The following SLC38A5 variants were observed in gnomAD, a reference collection of about 807,000 sequenced individuals.
The protein encoded by SLC38A5 is sodium-coupled neutral amino acid transporter 5.
SLC38A5 carries 9 observed loss-of-function variants against 34.6 expected under a neutral mutation model. That is an observed-to-expected ratio of 0.26 (90% CI 0.16 to 0.45). SLC38A5 has a LOEUF of 0.45. Ranked by LOEUF, SLC38A5 falls within the 20% of genes least tolerant of loss-of-function variation. The pLI, the probability that SLC38A5 is intolerant of heterozygous loss-of-function variation, is 1.00. For missense variants in SLC38A5, 253 were observed against 394.7 expected (o/e 0.64, Z 3.04); for synonymous variants, 157 against 155.6 (o/e 1.01, Z -0.07).
At chrX:48,465,924 T>C in intron 8 of SLC38A5, 91 bp downstream of exon 8, 1 of 789,738 alleles carries the variant, frequency 1.3e-6, no homozygotes, top group Non-Finnish European at 1.8e-6. Context: ...CATCTGGAAG[T>C]CAGCTGCACA....
At chrX:48,459,228 T>C (rs2061418721) in intron 16 of SLC38A5, 194 bp from the exon 17 acceptor site, 2 of 468,926 alleles carry the variant, frequency 4.3e-6, no homozygotes, top group Non-Finnish European at 7.2e-6. Flanking sequence ...CATGACAGAA[T>C]ACGTTCCTCC....
chrX:48,465,364 AAT>A (rs1156789393), intron 8 of SLC38A5, among the ~76,000 whole-genome samples: 1 of 111,592 alleles, frequency 9.0e-6, no homozygotes, highest in Non-Finnish European at 1.9e-5. Context: ...ACAGCCACCA[AAT>A]CAAACACAGA....
At position 48,467,845 on chromosome X, in the gene SLC38A5, G is replaced by A. The variant is rs782517665; in HGVS notation, c.53+27C>T. On this transcript the variant is annotated intron_variant, in intron 3 of 16. Transcript: ENST00000620913. ...GGAAATCCTGACCCCTGATCCCTGA[G>A]CCCACCTCCTTGGACCCCTGACTCA... The A allele has an allele frequency of 1.8e-5, 22 of 1,203,379 alleles. No individual in the cohort carries two copies. The Admixed American group carries it at 4.9e-4, about 27-fold the overall frequency.
At chrX:48,461,190 C>A in intron 12 of SLC38A5, 104 bp from the exon 13 acceptor site, 1 of 677,529 alleles carries the variant, frequency 1.5e-6, no homozygotes. Flanking sequence ...TCCCAGACTG[C>A]CATTCAGCTG....
At chrX:48,464,232 G>C (rs2061460155) in intron 8 of SLC38A5, among the ~76,000 whole-genome samples, 1 of 112,683 alleles carries the variant, frequency 8.9e-6, no homozygotes, top group Non-Finnish European at 1.9e-5. Flanking sequence ...ACAGATATTG[G>C]AGGAAGGTGA....
intron 16 of SLC38A5, 55 bp downstream of exon 16, chrX:48,459,481 G>A: frequency 9.9e-7 from 1 of 1,010,777 alleles, no homozygotes; most frequent in African/African-American, 1.9e-5. Flanking sequence ...CCTGGAGTGA[G>A]CACTCCCTCC....
chrX:48,467,633 G>T, intron 4 of SLC38A5, 77 bp downstream of exon 4: 2 of 1,006,579 alleles, frequency 2.0e-6, no homozygotes, highest in Non-Finnish European at 2.8e-6. Context: ...AGGAGGAGGA[G>T]TGGGGAAGAG....
chrX:48,466,121 G>A (rs1556963170), intron 7 of SLC38A5, 28 bp from the exon 8 acceptor site: 1 of 1,179,993 alleles, frequency 8.5e-7, no homozygotes, highest in Admixed American at 2.3e-5. Context: ...GGTGTAAGCA[G>A]AAGGATTCTC....
At chrX:48,459,662 A>G in intron 15 of SLC38A5, 23 bp from the exon 16 acceptor site, 1 of 1,176,253 alleles carries the variant, frequency 8.5e-7, no homozygotes. Context: ...AAGAAGGGAC[A>G]GGAGTCAACC....
chrX:48,460,701 C>T lies in SLC38A5; in HGVS notation c.1016G>A (p.Arg339His). 1 of 1,212,081 alleles carries T rather than the reference C, an allele frequency of 8.3e-7. No individual in the cohort carries two copies. Among genetic ancestry groups the T allele is most frequent in the Non-Finnish European group, 1.1e-6 (1 of 895,635 alleles). ...GGTCACCGCGAGCAGCACGGCCAGG[C>T]GCACACAGAGGATGAGCGGGTCCTT... is the stretch of plus-strand genomic sequence containing the variant. Reference protein sequence around the residue: ...SQKDPLILCVRLAVLLAVTLT... With the variant: ...SQKDPLILCVHLAVLLAVTLT... The change falls in exon 14 of 17, where the codon CGC becomes CAC. Residue 339 changes from arginine to histidine, a missense_variant. This residue lies in a region of SLC38A5 where 176 missense variants were observed against 273.0 expected (regional missense o/e 0.64). Transcript: ENST00000620913.
intron 2 of SLC38A5, chrX:48,469,128 C>G (rs782424407): frequency 3.6e-6 from 2 of 554,243 alleles, no homozygotes; most frequent in South Asian, 9.6e-5. Flanking sequence ...CATCCCCCAC[C>G]ACCAGCACCC....
Position 48,461,020 on chromosome X carries a change from C to T in SLC38A5, c.918G>A (p.Gly306=). The T allele has an allele frequency of 8.3e-7, 1 of 1,207,231 alleles. No homozygotes were observed. Among genetic ancestry groups the T allele is most frequent in the Non-Finnish European group, 1.1e-6 (1 of 893,662 alleles). The change falls in exon 13 of 17, where the codon GGG becomes GGA. Residue 306 remains glycine (G), a synonymous_variant. Transcript: ENST00000620913. ...TGAGGTATCCAAAGGTTGCTGTGAG[C>T]CCATACATGCAGAACATGGCCCCAA... ...VSIGAMFCMY[G]LTATFGYLTF...
intron 11 of SLC38A5, 92 bp downstream of exon 11, chrX:48,461,915 G>T (rs2293952): frequency 7.1e-6 from 8 of 1,131,431 alleles, no homozygotes; most frequent in Non-Finnish European, 8.2e-6. Context: ...TCCCAATGTC[G>T]AATATCCAGC....
At chrX:48,460,615 A>G (rs781788748) in intron 14 of SLC38A5, 34 bp downstream of exon 14, 1 of 1,181,466 alleles carries the variant, frequency 8.5e-7, no homozygotes, top group East Asian at 3.0e-5. Context: ...CTACCCATCC[A>G]TCCATGTCCC....
rs375676986 is a variant in SLC38A5, at chrX:48,466,976, C to T, written c.231G>A (p.Gly77=). The part of the protein sequence containing the change: ...LGLAYAMAHT[G]VIFFLALLLC... ...TATGGACTCACAGGAAGAAGATGAC[C>T]CCCGTGTGGGCCATGGCATAGGCCA... Residue 77 remains glycine, a synonymous_variant, in exon 5 of 17, where the codon GGG becomes GGA. Coordinates refer to ENST00000620913, the MANE Select transcript of SLC38A5 (RefSeq NM_033518.4). 3.6e-5 allele frequency: 44 copies of T among 1,210,657 alleles called. No homozygotes were observed. The highest frequency in any genetic ancestry group is 4.8e-5 in the Non-Finnish European group (43 of 895,191).
Position 48,458,683 on chromosome X carries a change from C to CCTCCTT in SLC38A5, c.*249_*250insAAGGAG. On this transcript the variant is annotated 3_prime_UTR_variant, in exon 17 of 17. Coordinates refer to ENST00000620913, the MANE Select transcript of SLC38A5 (RefSeq NM_033518.4). ...GCCTCCTCCTCCTCCTCCTCCTCCTCCTCCTCCTCCTCTTCTTCCTCCTCC... is the reference window on the plus strand; with the variant it reads ...GCCTCCTCCTCCTCCTCCTCCTCCTCCTCCTTCTCCTCCTCCTCTTCTTCCTCCTCC... 1.0e-6 allele frequency: 1 copy of CCTCCTT among 989,911 alleles called. No homozygotes were observed. The highest frequency in any genetic ancestry group is 1.3e-6 in the Non-Finnish European group (1 of 785,741). The allele number at this position is 989,911 out of a possible 1,213,427, so 81.6% of individuals were successfully genotyped here. A position where few individuals can be genotyped will look rare whatever the true frequency, so the allele number is the denominator to read the frequency against.
chrX:48,466,594 G>A (rs1490256125), intron 6 of SLC38A5, among the ~76,000 whole-genome samples: 1 of 107,631 alleles, frequency 9.3e-6, no homozygotes, highest in Non-Finnish European at 1.9e-5. Context: ...CTGGGGAACC[G>A]GGGACTGAGG....
At chrX:48,466,199 C>A (rs782536009) in intron 7 of SLC38A5, 31 bp downstream of exon 7, 4 of 1,174,949 alleles carry the variant, frequency 3.4e-6, no homozygotes, top group South Asian at 3.8e-5. Context: ...CCTCTCCCCC[C>A]AAGCTGACCC....
intron 8 of SLC38A5, among the ~76,000 whole-genome samples, chrX:48,463,911 G>GAAAGAAAGAAAA (rs782068302): frequency 4.1e-5 from 4 of 97,509 alleles, no homozygotes; most frequent in African/African-American, 7.8e-5. Context: ...AAGAAAGAAA[G>GAAAGAAAGAAAA]AGAAAGAAAG....
Sources: gnomAD v4.1 joint callset for allele counts (sites outside exome capture counted in the v4.1 genomes callset) on GRCh38, gnomAD v4.1.1 for gene constraint, gnomAD v4.1.1 regional missense constraint, MANE v1.5 for transcripts, NCBI Gene and HGNC (gene_info 2026-07-23, HGNC 2026-07-21) for gene names.